The following DCDC1 variants were observed in gnomAD, a reference collection of about 807,000 sequenced individuals.
DCDC1 encodes the protein doublecortin domain-containing protein 1.
A neutral mutation model predicts 178.3 loss-of-function variants in DCDC1; 200 were observed. That is an observed-to-expected ratio of 1.12 (90% CI 1.00 to 1.26). The LOEUF (loss-of-function observed/expected upper bound fraction) is 1.26. DCDC1 is among the 50% of genes most tolerant of loss of function. DCDC1 has a pLI of 0.00. For missense variants in DCDC1, 1,983 were observed against 1,749.2 expected, an observed-to-expected ratio of 1.13 and a Z score of -2.38; for synonymous variants, 690 against 604.8, an observed-to-expected ratio of 1.14 and a Z score of -2.07.
chr11:30,888,070 G>A (rs1269259238), intron 36 of DCDC1, among the ~76,000 whole-genome samples: 6 of 105,614 alleles, frequency 5.7e-5, no homozygotes, highest in South Asian at 3.6e-4. Context: ...AAGAGAGAGA[G>A]AGAGAGAGAG....
intron 20 of DCDC1, among the ~76,000 whole-genome samples, chr11:30,979,188 G>A (rs1950260567): frequency 6.6e-6 from 1 of 151,994 alleles, no homozygotes; most frequent in Non-Finnish European, 1.5e-5. Flanking sequence ...AAAATAGCAA[G>A]TACATCATCA....
At chr11:30,899,067 C>T (rs946223883) in intron 34 of DCDC1, among the ~76,000 whole-genome samples, 1 of 151,868 alleles carries the variant, frequency 6.6e-6, no homozygotes, top group Non-Finnish European at 1.5e-5. Context: ...TTTTAAGTTA[C>T]TGACACTGAC....
At chr11:31,351,343 T>C (rs987430871) in intron 1 of DCDC1, among the ~76,000 whole-genome samples, 3 of 152,144 alleles carry the variant, frequency 2.0e-5, no homozygotes, top group African/African-American at 7.2e-5. Flanking sequence ...ACATAAATAC[T>C]AGGCACTGTG....
intron 36 of DCDC1, among the ~76,000 whole-genome samples, chr11:30,885,732 A>G (rs1943108047): frequency 6.6e-6 from 1 of 152,162 alleles, no homozygotes; most frequent in African/African-American, 2.4e-5. Flanking sequence ...AATTCTCAAT[A>G]TCTACCTATG....
At chr11:30,906,774 A>G (rs1326503711) in intron 29 of DCDC1, 49 bp from the exon 30 acceptor site, 1 of 1,521,670 alleles carries the variant, frequency 6.6e-7, no homozygotes, top group Non-Finnish European at 8.9e-7. Context: ...CTAAATTGTT[A>G]TAGCATTGCT....
intron 36 of DCDC1, among the ~76,000 whole-genome samples, chr11:30,890,062 A>G (rs912339669): frequency 3.9e-5 from 6 of 152,190 alleles, no homozygotes; most frequent in Non-Finnish European, 8.8e-5. Flanking sequence ...ATGTGTGAAC[A>G]CAGCAAGAAG....
rs540754904 is a variant in DCDC1 at position 31,355,588 on chromosome 11, G to T, written c.-125+14109C>A. Among the ~76,000 whole-genome samples, 6 of 151,480 alleles carry T rather than the reference G, an allele frequency of 4.0e-5. No homozygotes were observed. In the East Asian group the frequency reaches 1.2e-3, roughly 29 times the overall value. On this transcript the variant is annotated intron_variant, in intron 1 of 38. Coordinates refer to ENST00000684477, the MANE Select transcript of DCDC1 (RefSeq NM_001387274.1). ...TCTTTTTCTTTTTTCTTTTTTTTAA[G>T]TCAGAGTCTTGCTCTGCTGCCTAGG...
chr11:31,354,854 A>G (rs1433920346), intron 1 of DCDC1, among the ~76,000 whole-genome samples: 1 of 152,192 alleles, frequency 6.6e-6, no homozygotes, highest in Non-Finnish European at 1.5e-5. Flanking sequence ...CTTACTTTAC[A>G]TTTTGATTCC....
At chr11:30,871,850 A>G (rs143441330) in intron 38 of DCDC1, among the ~76,000 whole-genome samples, 1 of 151,994 alleles carries the variant, frequency 6.6e-6, no homozygotes, top group East Asian at 1.9e-4. Context: ...TTAGTGTATT[A>G]AGTACACTTA....
rs759369961 is a variant in DCDC1, at chr11:30,881,198, G to T, written c.5193C>A (p.Val1731=). Residue 1731 remains valine (V), a synonymous_variant, in exon 37 of 39, where the codon GTC becomes GTA. Coordinates refer to ENST00000684477, the MANE Select transcript of DCDC1 (RefSeq NM_001387274.1). ...AACCATGTCCCATAGACACACAGAT[G>T]ACCATATCTCGCTCTATGTCGTCCC... The part of the protein sequence containing the change: ...QSWDDIERDM[V]ICVSMGHGFK... The T allele has an allele frequency of 6.2e-7, 1 of 1,613,522 alleles. No homozygotes were observed.
intron 20 of DCDC1, among the ~76,000 whole-genome samples, chr11:31,056,569 G>C (rs1479501696): frequency 6.6e-6 from 1 of 152,104 alleles, no homozygotes; most frequent in Admixed American, 6.6e-5. Context: ...TTTAAAAAGG[G>C]AGAGAGTATG....
At chr11:31,257,624 G>T (rs1236780622) in intron 8 of DCDC1, among the ~76,000 whole-genome samples, 1 of 151,544 alleles carries the variant, frequency 6.6e-6, no homozygotes, top group East Asian at 2.0e-4. Flanking sequence ...TTTAACTGGA[G>T]GAGATCAGAA....
chr11:31,069,881 G>C (rs144016749), intron 18 of DCDC1, among the ~76,000 whole-genome samples: 1 of 152,248 alleles, frequency 6.6e-6, no homozygotes, highest in East Asian at 1.9e-4. Context: ...AAAAGGTAGG[G>C]CCATGATGTG....
At chr11:31,357,206 G>A (rs1242475595) in intron 1 of DCDC1, among the ~76,000 whole-genome samples, 2 of 152,008 alleles carry the variant, frequency 1.3e-5, no homozygotes, top group Non-Finnish European at 2.9e-5. Flanking sequence ...CTGGCAAACT[G>A]AATCCAGCAG....
chr11:30,977,609 A>G (rs1206716684), intron 20 of DCDC1, among the ~76,000 whole-genome samples: 3 of 152,176 alleles, frequency 2.0e-5, no homozygotes, highest in Non-Finnish European at 4.4e-5. Flanking sequence ...AATATGTAGG[A>G]TTACTACCTT....
intron 20 of DCDC1, among the ~76,000 whole-genome samples, chr11:31,047,181 C>CA (rs969697699): frequency 9.3e-5 from 14 of 149,828 alleles, no homozygotes; most frequent in East Asian, 3.9e-4. Flanking sequence ...TTTATAAAAG[C>CA]AAAAAAAAAT....
intron 20 of DCDC1, among the ~76,000 whole-genome samples, chr11:30,982,004 A>G (rs1217582053): frequency 2.6e-5 from 4 of 152,166 alleles, no homozygotes; most frequent in Admixed American, 1.3e-4. Context: ...GCTTATGCCT[A>G]TTTTTATTTA....
intron 20 of DCDC1, among the ~76,000 whole-genome samples, chr11:30,968,796 G>A (rs1186801702): frequency 7.0e-6 from 1 of 142,124 alleles, no homozygotes; most frequent in East Asian, 2.0e-4. Flanking sequence ...TATAGGGAGG[G>A]ATTCTGCACA....
chr11:31,213,330 T>A (rs1973064756), intron 9 of DCDC1, among the ~76,000 whole-genome samples: 1 of 151,860 alleles, frequency 6.6e-6, no homozygotes, highest in Non-Finnish European at 1.5e-5. Context: ...GAGACTGGAT[T>A]TTAATTCCTG....
Sources: allele counts gnomAD v4.1 joint callset (sites outside exome capture counted in the v4.1 genomes callset), GRCh38; gene constraint gnomAD v4.1.1; transcripts MANE v1.5; gene names NCBI Gene and HGNC (gene_info 2026-07-23, HGNC 2026-07-21).